The following INPP4B variants were observed in gnomAD, a reference collection of about 807,000 sequenced individuals.
INPP4B encodes the protein inositol polyphosphate-4-phosphatase type II B.
Under a neutral mutation model 122.5 loss-of-function variants are expected in INPP4B, and 55 were observed. That is an observed-to-expected ratio of 0.45 (90% CI 0.36 to 0.56). The LOEUF is 0.56. Ranked by LOEUF, INPP4B falls within the 20% of genes least tolerant of loss-of-function variation. INPP4B has a pLI of 0.00. For missense variants in INPP4B, 1,000 were observed against 1,097.7 expected (o/e 0.91, Z 1.26); for synonymous variants, 403 against 388.7 (o/e 1.04, Z -0.43).
intron 1 of INPP4B, among the ~76,000 whole-genome samples, chr4:142,782,262 T>C (rs1036351612): frequency 1.3e-5 from 2 of 151,718 alleles, no homozygotes; most frequent in Non-Finnish European, 2.9e-5. Context: ...AATAGTTTAC[T>C]GAGAATGATG....
chr4:142,632,571 A>G (rs1748202688), intron 2 of INPP4B, among the ~76,000 whole-genome samples: 1 of 152,122 alleles, frequency 6.6e-6, no homozygotes, highest in Admixed American at 6.6e-5. Context: ...AAAGAGCAAT[A>G]AAAATAATAA....
chr4:142,263,082 G>A (rs1411105073), intron 10 of INPP4B, among the ~76,000 whole-genome samples: 2 of 152,100 alleles, frequency 1.3e-5, no homozygotes, highest in Non-Finnish European at 2.9e-5. Context: ...TAATAGAAGA[G>A]GTAAGGCAGG....
chr4:142,771,946 T>C (rs1477852448), intron 1 of INPP4B, among the ~76,000 whole-genome samples: 5 of 152,080 alleles, frequency 3.3e-5, no homozygotes, highest in Admixed American at 3.3e-4. Flanking sequence ...AAAAACAGAT[T>C]TGTCAATGAG....
chr4:142,445,234 G>T (rs1018369844), intron 3 of INPP4B, among the ~76,000 whole-genome samples: 2 of 151,890 alleles, frequency 1.3e-5, no homozygotes, highest in Non-Finnish European at 2.9e-5. Context: ...GAAAAAGCAC[G>T]ATAAGCAAAA....
chr4:142,626,661 T>C (rs7667002), intron 2 of INPP4B, among the ~76,000 whole-genome samples: 5,253 of 152,060 alleles, frequency 0.035, 313 homozygotes, highest in African/African-American at 0.12. Context: ...TTCTCACCTA[T>C]AGAACCATGA....
chr4:142,197,714 C>T (rs549456985), intron 14 of INPP4B, among the ~76,000 whole-genome samples: 5 of 152,216 alleles, frequency 3.3e-5, no homozygotes, highest in Admixed American at 2.0e-4. Context: ...ATTTACTCAG[C>T]GCATACCTGA....
chr4:142,481,642 C>T (rs1265413496), intron 2 of INPP4B, among the ~76,000 whole-genome samples: 3 of 151,996 alleles, frequency 2.0e-5, no homozygotes, highest in South Asian at 2.1e-4. Context: ...TCTCTTGAAA[C>T]ATATTGGCAT....
At chr4:142,213,230 T>C (rs1561500894) in intron 12 of INPP4B, among the ~76,000 whole-genome samples, 1 of 152,230 alleles carries the variant, frequency 6.6e-6, no homozygotes, top group East Asian at 1.9e-4. Flanking sequence ...TGCTGCCCAC[T>C]CCAAAGTGGA....
intron 1 of INPP4B, among the ~76,000 whole-genome samples, chr4:142,811,033 G>A (rs1210546621): frequency 6.6e-6 from 1 of 152,164 alleles, no homozygotes; most frequent in Non-Finnish European, 1.5e-5. Context: ...TTTCTGCACT[G>A]GTTGTTAAAA....
At chr4:142,412,932 G>T (rs368223883) in intron 5 of INPP4B, among the ~76,000 whole-genome samples, 12 of 152,240 alleles carry the variant, frequency 7.9e-5, no homozygotes, top group African/African-American at 2.9e-4. Context: ...GACTCTAGGA[G>T]TCAAGCACAC....
At chr4:142,408,382 AT>A (rs1177379038) in intron 5 of INPP4B, among the ~76,000 whole-genome samples, 1 of 152,078 alleles carries the variant, frequency 6.6e-6, no homozygotes, top group Non-Finnish European at 1.5e-5. Context: ...ACGAAACCCC[AT>A]CTCTATTAAA....
Position 142,684,258 on chromosome 4 carries a change from C to G in INPP4B, c.-191+41581G>C, listed in dbSNP as rs553930980. ...ATTTAGTGGGTTTTATGAAACGATA[C>G]AAAATGAGACATCCTTAGAACACAA... On this transcript the variant is annotated intron_variant, in intron 2 of 25. Coordinates refer to ENST00000262992, the MANE Select transcript of INPP4B (RefSeq NM_001101669.3). 3.9e-5 allele frequency among the ~76,000 whole-genome samples: 6 copies of G among 152,088 alleles called. No homozygotes were observed. The South Asian group carries it at 1.2e-3, about 32-fold the overall frequency.
intron 7 of INPP4B, among the ~76,000 whole-genome samples, chr4:142,357,482 A>T (rs975729553): frequency 6.6e-6 from 1 of 151,976 alleles, no homozygotes; most frequent in African/African-American, 2.4e-5. Flanking sequence ...CCTTTTTCCC[A>T]TATATTTACA....
intron 7 of INPP4B, among the ~76,000 whole-genome samples, chr4:142,384,326 C>T (rs1000031264): frequency 2.6e-5 from 4 of 152,120 alleles, no homozygotes; most frequent in African/African-American, 7.2e-5. Context: ...CTGAGAAATG[C>T]GTCATTAGGA....
chr4:142,312,702 A>T (rs1765975064), intron 8 of INPP4B, among the ~76,000 whole-genome samples: 1 of 152,004 alleles, frequency 6.6e-6, no homozygotes, highest in African/African-American at 2.4e-5. Flanking sequence ...GGTAGATCTC[A>T]CAACAAGTGG....
chr4:142,301,562 A>C (rs1165690506), intron 9 of INPP4B, among the ~76,000 whole-genome samples: 1 of 152,228 alleles, frequency 6.6e-6, no homozygotes, highest in Non-Finnish European at 1.5e-5. Context: ...TGGATTAAAT[A>C]AGATAATGCA....
intron 2 of INPP4B, among the ~76,000 whole-genome samples, chr4:142,671,208 A>G (rs1756941959): frequency 1.3e-5 from 2 of 152,094 alleles, no homozygotes; most frequent in African/African-American, 4.8e-5. Flanking sequence ...CTCTTGAACC[A>G]TATAAATCTA....
intron 2 of INPP4B, among the ~76,000 whole-genome samples, chr4:142,541,511 C>T (rs1444702255): frequency 8.4e-6 from 1 of 119,608 alleles, no homozygotes; most frequent in Non-Finnish European, 2.1e-5. Context: ...GGCCAAAAGA[C>T]TAGGCACTTT....
chr4:142,753,815 C>T (rs79995402), intron 1 of INPP4B, among the ~76,000 whole-genome samples: 4,549 of 152,104 alleles, frequency 0.03, 83 homozygotes, highest in Non-Finnish European at 0.041. Context: ...AATAGCATAT[C>T]ATTTTTGTGC....
Sources: gnomAD v4.1 joint callset for allele counts (sites outside exome capture counted in the v4.1 genomes callset) on GRCh38, gnomAD v4.1.1 for gene constraint, MANE v1.5 for transcripts, NCBI Gene and HGNC (gene_info 2026-07-23, HGNC 2026-07-21) for gene names.